FARS2: variants seen among roughly 807,000 people sequenced by gnomAD.
FARS2 encodes phenylalanine--tRNA ligase, mitochondrial.
FARS2 carries 40 observed loss-of-function variants against 46.4 expected under a neutral mutation model. That is an observed-to-expected ratio of 0.86 (90% CI 0.67 to 1.12). The LOEUF (loss-of-function observed/expected upper bound fraction) is 1.12. Among genes scored for constraint, FARS2 ranks in the 50% most tolerant of loss-of-function variants. FARS2 has a pLI of 0.00. For missense variants in FARS2, 513 were observed against 567.9 expected, an observed-to-expected ratio of 0.90 and a Z score of 0.98; for synonymous variants, 234 against 214.9, an observed-to-expected ratio of 1.09 and a Z score of -0.78.
At position 5,369,083 on chromosome 6, in the gene FARS2, C is replaced by T. The variant is rs1338383876; in HGVS notation, c.513C>T (p.Phe171=). ...TGCTGCACGCGGGACTGGATGCCTT[C>T]CTGGTGGTGGGTGATGTCTACAGGC... ...WDLLHAGLDA[F]LVVGDVYRRD... Residue 171 remains phenylalanine, a synonymous_variant, in exon 2 of 7, where the codon TTC becomes TTT. Coordinates refer to ENST00000274680, the MANE Select transcript of FARS2 (RefSeq NM_006567.5). 6 of 1,613,988 alleles carry T rather than the reference C, an allele frequency of 3.7e-6. No individual in the cohort carries two copies. The Admixed American group carries it at 5.0e-5, about 13-fold the overall frequency.
chr6:5,758,505 G>A (rs531176706), intron 6 of FARS2, among the ~76,000 whole-genome samples: 2 of 152,288 alleles, frequency 1.3e-5, no homozygotes, highest in African/African-American at 2.4e-5. Context: ...GCTTAGAGCC[G>A]TGAAGGGACT....
At chr6:5,578,856 C>A (rs189426645) in intron 5 of FARS2, among the ~76,000 whole-genome samples, 1 of 150,516 alleles carries the variant, frequency 6.6e-6, no homozygotes, top group Non-Finnish European at 1.5e-5. Context: ...AAAACAGTGG[C>A]AAGACGTGAG....
chr6:5,539,406 A>ATATTTTTT (rs1226634056), intron 4 of FARS2, among the ~76,000 whole-genome samples: 1 of 144,878 alleles, frequency 6.9e-6, no homozygotes, highest in African/African-American at 2.6e-5. Flanking sequence ...ATATGTATAT[A>ATATTTTTT]TTTTTTTAGT....
chr6:5,638,794 G>A (rs930776410), intron 6 of FARS2, among the ~76,000 whole-genome samples: 8 of 152,172 alleles, frequency 5.3e-5, no homozygotes, highest in Non-Finnish European at 8.8e-5. Context: ...CCTCGCGCGA[G>A]AGAATCTGAT....
In FARS2 at chr6:5,396,803, A is replaced by T. The variant is rs182353692; in HGVS notation, c.613-7739A>T. Reference sequence around the variant, plus strand: ...TAGTAGTGGCAAGATGGGGAAGTCAAACCTGGGCCCCTCACCTTCACCTCT... The same window carrying T: ...TAGTAGTGGCAAGATGGGGAAGTCATACCTGGGCCCCTCACCTTCACCTCT... On this transcript the variant is annotated intron_variant, in intron 2 of 6. Coordinates refer to ENST00000274680, the MANE Select transcript of FARS2 (RefSeq NM_006567.5). 2.0e-5 allele frequency among the ~76,000 whole-genome samples: 3 copies of T among 152,284 alleles called. No homozygotes were observed. In the East Asian group the frequency reaches 5.8e-4, roughly 29 times the overall value.
chr6:5,470,604 C>G (rs912075897), intron 4 of FARS2, among the ~76,000 whole-genome samples: 29 of 152,122 alleles, frequency 1.9e-4, no homozygotes, highest in African/African-American at 6.0e-4. Context: ...TAACTAGTAA[C>G]TATATGTAAG....
chr6:5,591,923 G>A (rs1441648878), intron 5 of FARS2, among the ~76,000 whole-genome samples: 1 of 152,080 alleles, frequency 6.6e-6, no homozygotes, highest in African/African-American at 2.4e-5. Context: ...CTAATCTTGT[G>A]TGCCTTTCAT....
At chr6:5,458,359 T>C (rs1169733290) in intron 4 of FARS2, among the ~76,000 whole-genome samples, 3 of 152,184 alleles carry the variant, frequency 2.0e-5, no homozygotes, top group Non-Finnish European at 4.4e-5. Flanking sequence ...CTGGCAAAGC[T>C]GGCCTTCCTG....
intron 4 of FARS2, among the ~76,000 whole-genome samples, chr6:5,432,327 A>AATATATAT (rs71530360): frequency 4.9e-5 from 3 of 61,094 alleles, no homozygotes; most frequent in Non-Finnish European, 9.1e-5. Flanking sequence ...AAAAAAAAAA[A>AATATATAT]ATATATATAT....
chr6:5,563,387 A>C (rs1205703590), intron 5 of FARS2, among the ~76,000 whole-genome samples: 1 of 152,220 alleles, frequency 6.6e-6, no homozygotes, highest in African/African-American at 2.4e-5. Flanking sequence ...TTGGGTAGAC[A>C]CAGTTTCTAA....
At chr6:5,361,554 C>G (rs72815651) in intron 1 of FARS2, among the ~76,000 whole-genome samples, 9,425 of 152,252 alleles carry the variant, frequency 0.062, 410 homozygotes, top group South Asian at 0.13. Flanking sequence ...GCTTATAGCC[C>G]TTCTCTTTTT....
chr6:5,279,864 G>A (rs1012894189), intron 1 of FARS2, among the ~76,000 whole-genome samples: 1 of 152,166 alleles, frequency 6.6e-6, no homozygotes, highest in Admixed American at 6.5e-5. Flanking sequence ...AGGGCAATCC[G>A]TTATACTTAA....
intron 6 of FARS2, among the ~76,000 whole-genome samples, chr6:5,666,030 G>A (rs920865292): frequency 1.3e-5 from 2 of 152,182 alleles, no homozygotes; most frequent in Admixed American, 1.3e-4. Flanking sequence ...CTGGCTCCAT[G>A]GCAGGATCTG....
At chr6:5,255,325 G>A in the FARS2 span, among the ~76,000 whole-genome samples, 2 of 152,188 alleles carry the variant, frequency 1.3e-5, no homozygotes, top group Non-Finnish European at 2.9e-5. Context: ...ACAAATTGTA[G>A]ATAGCAACAA....
At chr6:5,273,967 T>C (rs1454950337) in intron 1 of FARS2, among the ~76,000 whole-genome samples, 4 of 152,266 alleles carry the variant, frequency 2.6e-5, no homozygotes, top group Non-Finnish European at 5.9e-5. Context: ...TTATATCTGG[T>C]TCTCTATTTT....
intron 1 of FARS2, among the ~76,000 whole-genome samples, chr6:5,367,469 G>A (rs890146936): frequency 2.0e-5 from 3 of 151,980 alleles, no homozygotes; most frequent in African/African-American, 7.3e-5. Context: ...CTGTGGCAGT[G>A]GGAAGAAGAC....
chr6:5,325,566 G>A (rs1384463796), intron 1 of FARS2, among the ~76,000 whole-genome samples: 1 of 152,170 alleles, frequency 6.6e-6, no homozygotes, highest in Non-Finnish European at 1.5e-5. Context: ...ATATCGTAGG[G>A]CCCAGTAATC....
intron 6 of FARS2, among the ~76,000 whole-genome samples, chr6:5,676,323 G>A (rs973083312): frequency 3.3e-5 from 5 of 152,146 alleles, no homozygotes; most frequent in African/African-American, 1.2e-4. Flanking sequence ...GATTAGGCAT[G>A]GCCTTCAATT....
intron 4 of FARS2, among the ~76,000 whole-genome samples, chr6:5,458,923 A>G (rs1467849210): frequency 6.6e-6 from 1 of 152,244 alleles, no homozygotes; most frequent in Non-Finnish European, 1.5e-5. Context: ...CCCTGAAGAT[A>G]CATTTTAACA....
Sources: allele counts gnomAD v4.1 joint callset (sites outside exome capture counted in the v4.1 genomes callset), GRCh38; gene constraint gnomAD v4.1.1; transcripts MANE v1.5; gene names NCBI Gene and HGNC (gene_info 2026-07-23, HGNC 2026-07-21).